Variants in MAML2 observed in about 807,000 individuals in gnomAD.
MAML2 encodes mastermind-like protein 2.
In MAML2, 22 loss-of-function variants were observed where a neutral mutation model predicts 96.1. That is an observed-to-expected ratio of 0.23 (90% CI 0.16 to 0.33). The LOEUF is 0.33. Ranked by LOEUF, MAML2 falls within the 10% of genes least tolerant of loss-of-function variation. MAML2 has a pLI of 1.00. For missense variants in MAML2, 1,367 were observed against 1,392.4 expected (o/e 0.98, Z 0.29); for synonymous variants, 561 against 521.3 (o/e 1.08, Z -1.04).
At chr11:96,071,140 C>T (rs1164638538) in intron 2 of MAML2, among the ~76,000 whole-genome samples, 2 of 152,166 alleles carry the variant, frequency 1.3e-5, no homozygotes, top group African/African-American at 4.8e-5. Flanking sequence ...GGCATATATG[C>T]AGAATGGGAC....
chr11:96,204,257 G>T (rs943917722), intron 1 of MAML2, among the ~76,000 whole-genome samples: 1 of 152,196 alleles, frequency 6.6e-6, no homozygotes, highest in African/African-American at 2.4e-5. Flanking sequence ...TAATTAAATA[G>T]TCATTCAATA....
intron 1 of MAML2, among the ~76,000 whole-genome samples, chr11:96,327,073 C>A (rs1033702917): frequency 6.6e-6 from 1 of 152,140 alleles, no homozygotes; most frequent in African/African-American, 2.4e-5. Context: ...TGGGAGATTT[C>A]GCGAGAGAAG....
rs748729477 is a variant in MAML2, at chr11:96,310,061, T to A, written c.513+31322A>T. Among the ~76,000 whole-genome samples, 5 of 152,154 alleles carry A rather than the reference T, an allele frequency of 3.3e-5. No homozygotes were observed. The East Asian group carries it at 7.7e-4, about 23-fold the overall frequency. ...TGTATATGATGACATATAGGGAGCA[T>A]ACTTGCTTCTTGCTCTTTTAAAAAA... On this transcript the variant is annotated intron_variant, in intron 1 of 4. Coordinates refer to ENST00000524717, the MANE Select transcript of MAML2 (RefSeq NM_032427.4).
intron 2 of MAML2, among the ~76,000 whole-genome samples, chr11:96,055,202 T>C (rs1268173836): frequency 6.6e-6 from 1 of 152,204 alleles, no homozygotes; most frequent in East Asian, 1.9e-4. Context: ...CCCTTTTTCT[T>C]GGTAAGAGTC....
At chr11:96,076,141 A>G (rs991510209) in intron 2 of MAML2, among the ~76,000 whole-genome samples, 2 of 152,328 alleles carry the variant, frequency 1.3e-5, no homozygotes, top group Admixed American at 1.3e-4. Flanking sequence ...TGATCCTCAT[A>G]GTCGTTTGAA....
chr11:96,205,686 G>A (rs1038079628), intron 1 of MAML2, among the ~76,000 whole-genome samples: 12 of 152,178 alleles, frequency 7.9e-5, no homozygotes, highest in Non-Finnish European at 1.5e-4. Context: ...CCCAAATGTC[G>A]CTGCTTCTGA....
intron 2 of MAML2, among the ~76,000 whole-genome samples, chr11:96,059,418 TTAAAACCCCTA>T (rs1426391821): frequency 6.6e-6 from 1 of 152,190 alleles, no homozygotes; most frequent in African/African-American, 2.4e-5. Flanking sequence ...AGTCAGATTT[TTAAAACCCCTA>T]CTTTCTTGTT....
At chr11:96,254,894 A>T (rs1049357336) in intron 1 of MAML2, among the ~76,000 whole-genome samples, 2 of 152,150 alleles carry the variant, frequency 1.3e-5, no homozygotes, top group Admixed American at 1.3e-4. Flanking sequence ...ATCACAGCTG[A>T]CTACAGCCTC....
At position 96,123,039 on chromosome 11, in the gene MAML2, GC is replaced by G. The variant is rs1312596818; in HGVS notation, c.514-29523del. On this transcript the variant is annotated intron_variant, in intron 1 of 4. Transcript: ENST00000524717. Reference sequence around the variant, plus strand: ...AAAACCATTCAATGCTGAGAGTCCAGCCTTCTACTCCTGGATACTTTTGTGC... The same window carrying G: ...AAAACCATTCAATGCTGAGAGTCCAGCTTCTACTCCTGGATACTTTTGTGC... 2.0e-5 allele frequency among the ~76,000 whole-genome samples: 3 copies of G among 152,320 alleles called. No individual in the cohort carries two copies. In the East Asian group the frequency reaches 5.8e-4, roughly 29 times the overall value.
intron 1 of MAML2, among the ~76,000 whole-genome samples, chr11:96,110,703 T>C (rs950128608): frequency 1.1e-4 from 17 of 152,280 alleles, no homozygotes; most frequent in Middle Eastern, 6.8e-3. Flanking sequence ...CAAAATCTTA[T>C]TTAAGGAACA....
At chr11:96,076,959 A>G (rs1457242725) in intron 2 of MAML2, among the ~76,000 whole-genome samples, 3 of 152,166 alleles carry the variant, frequency 2.0e-5, no homozygotes, top group African/African-American at 7.2e-5. Context: ...AAACAATTTT[A>G]CAATAGCAAA....
chr11:96,095,277 A>G (rs1354939803), intron 1 of MAML2, among the ~76,000 whole-genome samples: 2 of 152,190 alleles, frequency 1.3e-5, no homozygotes, highest in Non-Finnish European at 2.9e-5. Flanking sequence ...GCCAGGATGC[A>G]GTATAGAGCT....
intron 1 of MAML2, among the ~76,000 whole-genome samples, chr11:96,334,248 T>C (rs1308128169): frequency 6.6e-6 from 1 of 152,180 alleles, no homozygotes; most frequent in East Asian, 1.9e-4. Context: ...GAAACACAAT[T>C]CTGGGCTGGG....
intron 2 of MAML2, among the ~76,000 whole-genome samples, chr11:95,993,864 G>C (rs2135711854): frequency 6.6e-6 from 1 of 152,292 alleles, no homozygotes; most frequent in South Asian, 2.1e-4. Context: ...GCCAGTCACT[G>C]TGGTCCGTGC....
At chr11:96,066,064 A>G (rs1407846973) in intron 2 of MAML2, among the ~76,000 whole-genome samples, 1 of 152,172 alleles carries the variant, frequency 6.6e-6, no homozygotes, top group Non-Finnish European at 1.5e-5. Context: ...CTAATCACCT[A>G]ATTACCCCTC....
At chr11:96,063,236 G>GC in intron 2 of MAML2, among the ~76,000 whole-genome samples, 2 of 152,064 alleles carry the variant, frequency 1.3e-5, no homozygotes, top group East Asian at 3.9e-4. Flanking sequence ...TTCTGTAGGG[G>GC]CCCCTTCCTT....
chr11:96,132,365 A>G (rs1760373464), intron 1 of MAML2, among the ~76,000 whole-genome samples: 1 of 152,230 alleles, frequency 6.6e-6, no homozygotes. Flanking sequence ...AGTTTGCCAG[A>G]GTGCATGCCC....
chr11:96,047,940 AAGAG>A (rs1216925510), intron 2 of MAML2, among the ~76,000 whole-genome samples: 1 of 137,846 alleles, frequency 7.3e-6, no homozygotes, highest in African/African-American at 2.5e-5. Context: ...AAAAAGAAAA[AAGAG>A]AGAGAGAAAG....
chr11:96,225,981 C>T (rs1488923563), intron 1 of MAML2, among the ~76,000 whole-genome samples: 15 of 152,292 alleles, frequency 9.8e-5, no homozygotes, highest in Non-Finnish European at 2.1e-4. Context: ...TAATCTGGAA[C>T]CCACCTTTAG....
Sources: allele counts gnomAD v4.1 joint callset (sites outside exome capture counted in the v4.1 genomes callset), GRCh38; gene constraint gnomAD v4.1.1; transcripts MANE v1.5; gene names NCBI Gene and HGNC (gene_info 2026-07-23, HGNC 2026-07-21).